RREB1: variants seen among roughly 807,000 people sequenced by gnomAD.
The protein encoded by RREB1 is ras-responsive element-binding protein 1.
A neutral mutation model predicts 117.8 loss-of-function variants in RREB1; 27 were observed. That is an observed-to-expected ratio of 0.23 (90% CI 0.17 to 0.32). The LOEUF is 0.32. RREB1 is among the 10% of genes least tolerant of loss of function. The pLI is 1.00. For missense variants in RREB1, 2,577 were observed against 2,378.2 expected, an observed-to-expected ratio of 1.08 and a Z score of -1.74; for synonymous variants, 1,298 against 1,026.7, an observed-to-expected ratio of 1.26 and a Z score of -5.05.
intron 1 of RREB1, among the ~76,000 whole-genome samples, chr6:7,158,253 C>T (rs1763477706): frequency 6.6e-6 from 1 of 152,154 alleles, no homozygotes; most frequent in South Asian, 2.1e-4. Context: ...CATTGTCTAC[C>T]CCACCTGCCT....
rs1581510086 is a variant in RREB1, at chr6:7,187,659, G to A, written c.261+136G>A. 1.4e-5 allele frequency: 5 copies of A among 370,164 alleles called. No individual in the cohort carries two copies. The South Asian group carries it at 5.2e-4, about 38-fold the overall frequency. 22.9% of individuals were successfully genotyped at this position (370,164 alleles called of 1,614,324 possible). ...GTTAAACACTCACTGTGAGCAATCA[G>A]TTGAGATAACTCAGTACCTTCGGAC... On this transcript the variant is annotated intron_variant, in intron 5 of 12. Transcript: ENST00000379938.
intron 1 of RREB1, among the ~76,000 whole-genome samples, chr6:7,151,925 G>T (rs995026284): frequency 6.6e-6 from 1 of 152,218 alleles, no homozygotes; most frequent in South Asian, 2.1e-4. Flanking sequence ...CTATGGGGGA[G>T]AAATAAACCA....
Position 7,231,155 on chromosome 6 carries a change from A to G in RREB1, c.3056A>G (p.Tyr1019Cys). ...QGPVQLAVPI[Y>C]SSALVSSPPL... ...CCTGTTCAGCTGGCGGTCCCAATCT[A>G]CTCCTCAGCCCTGGTCAGCAGCCCT... Residue 1019 changes from tyrosine to cysteine, a missense_variant, in exon 10 of 13, where the codon TAC becomes TGC. Coordinates refer to ENST00000379938, the MANE Select transcript of RREB1 (RefSeq NM_001003699.4). 2.5e-6 allele frequency: 4 copies of G among 1,610,476 alleles called. No homozygotes were observed. The highest frequency in any genetic ancestry group is 1.7e-6 in the Non-Finnish European group (2 of 1,179,232).
intron 1 of RREB1, among the ~76,000 whole-genome samples, chr6:7,109,227 G>A (rs1356137554): frequency 2.6e-5 from 4 of 151,884 alleles, no homozygotes; most frequent in Non-Finnish European, 5.9e-5. Context: ...CGTCTAGCTG[G>A]GTGGGGGGAG....
intron 6 of RREB1, among the ~76,000 whole-genome samples, chr6:7,197,790 C>T (rs1170529350): frequency 6.6e-6 from 1 of 152,150 alleles, no homozygotes; most frequent in Non-Finnish European, 1.5e-5. Flanking sequence ...GACATAGGCC[C>T]TGAGGATGCC....
intron 1 of RREB1, among the ~76,000 whole-genome samples, chr6:7,151,891 G>A (rs1015030542): frequency 1.4e-4 from 22 of 152,232 alleles, no homozygotes; most frequent in African/African-American, 5.3e-4. Context: ...CTTATAGTTT[G>A]AGTGTCTCTT....
At chr6:7,154,444 G>A (rs76907970) in intron 1 of RREB1, among the ~76,000 whole-genome samples, 1,643 of 152,310 alleles carry the variant, frequency 0.011, 30 homozygotes, top group African/African-American at 0.038. Context: ...GGACGTGAAG[G>A]ACTAATAGAC....
At chr6:7,156,106 G>A (rs1444155869) in intron 1 of RREB1, among the ~76,000 whole-genome samples, 3 of 152,156 alleles carry the variant, frequency 2.0e-5, no homozygotes, top group Non-Finnish European at 2.9e-5. Flanking sequence ...GCTTAACCAC[G>A]GGGTTTTTTC....
intron 1 of RREB1, among the ~76,000 whole-genome samples, chr6:7,143,228 C>G (rs1386955827): frequency 3.3e-5 from 5 of 152,188 alleles, no homozygotes; most frequent in Non-Finnish European, 1.5e-5. Flanking sequence ...CCTGATGGGC[C>G]TTCAGCACTG....
intron 9 of RREB1, 96 bp downstream of exon 9, chr6:7,226,752 T>A: frequency 1.0e-6 from 1 of 968,762 alleles, no homozygotes; most frequent in Non-Finnish European, 1.6e-6. Context: ...TTTCTTTCCT[T>A]AAAATGTCGG....
chr6:7,146,898 G>A (rs957207920), intron 1 of RREB1, among the ~76,000 whole-genome samples: 1 of 152,094 alleles, frequency 6.6e-6, no homozygotes, highest in East Asian at 1.9e-4. Context: ...CTAAGGAACT[G>A]TATTGTCATG....
intron 1 of RREB1, among the ~76,000 whole-genome samples, chr6:7,152,737 G>C (rs538100549): frequency 3.9e-5 from 6 of 152,294 alleles, no homozygotes; most frequent in South Asian, 4.2e-4. Flanking sequence ...TGCTAAGTGG[G>C]AAGCAGAAGT....
At chr6:7,117,398 T>TG (rs1761455516) in intron 1 of RREB1, among the ~76,000 whole-genome samples, 7 of 29,438 alleles carry the variant, frequency 2.4e-4, no homozygotes, top group Admixed American at 7.7e-4. Context: ...GTTTTTTTTT[T>TG]TTTTTTTTTT....
In RREB1 at chr6:7,229,499, T is replaced by C; in HGVS notation, c.1400T>C (p.Leu467Pro). 6.2e-7 allele frequency: 1 copy of C among 1,614,170 alleles called. No individual in the cohort carries two copies. The highest frequency in any genetic ancestry group is 8.5e-7 in the Non-Finnish European group (1 of 1,180,032). Residue 467 changes from leucine to proline, a missense_variant, in exon 10 of 13, where the codon CTG becomes CCG. Transcript: ENST00000379938. This position sits in a 1 kb window ranked among gnomAD's most constrained non-coding sequence, Gnocchi z 4.5. ...KPISGESAIELADIQQILKMA... is the reference protein window; with the variant it reads ...KPISGESAIEPADIQQILKMA... ...ATCTCTGGCGAGTCGGCCATCGAGCTGGCAGACATCCAGCAAATTCTGAAG... is the reference window on the plus strand; with the variant it reads ...ATCTCTGGCGAGTCGGCCATCGAGCCGGCAGACATCCAGCAAATTCTGAAG...
At chr6:7,145,440 C>G (rs928599142) in intron 1 of RREB1, among the ~76,000 whole-genome samples, 1 of 152,192 alleles carries the variant, frequency 6.6e-6, no homozygotes, top group Non-Finnish European at 1.5e-5. Context: ...ACAACCAGTA[C>G]AGCTTAGCTG....
At position 7,227,733 on chromosome 6, in the gene RREB1, G is replaced by A. The variant is rs142664178; in HGVS notation, c.897+1077G>A. ...CATTATTGACCTGAATAAGAAAAGA[G>A]CCATATATATTCACTGCTAATAAAG... On this transcript the variant is annotated intron_variant, in intron 9 of 12. Coordinates refer to ENST00000379938, the MANE Select transcript of RREB1 (RefSeq NM_001003699.4). Among the ~76,000 whole-genome samples, 302 of 152,192 alleles carry A rather than the reference G, an allele frequency of 2.0e-3. 1 individual carries two copies. The highest frequency in any genetic ancestry group is 3.4e-3 in the Non-Finnish European group (230 of 68,020).
chr6:7,213,485 C>T (rs1420083988), intron 8 of RREB1: 1 of 152,224 alleles, frequency 6.6e-6, no homozygotes. Flanking sequence ...TGCCTCTTAA[C>T]AGTTGTTTTA....
intron 6 of RREB1, among the ~76,000 whole-genome samples, chr6:7,198,295 C>T (rs925318071): frequency 2.0e-5 from 3 of 152,126 alleles, no homozygotes; most frequent in African/African-American, 7.2e-5. Context: ...CAGGACAGTT[C>T]ACATGGGAAT....
Position 7,249,101 on chromosome 6 carries a change from G to GAGAGAGAGAC in RREB1, c.*136_*137insGAGAGACAGA, listed in dbSNP as rs1561812153. The stretch of plus-strand genomic sequence containing the variant: ...AGAGAGAGAGAGAGAGAGAGAGAGA[G>GAGAGAGAGAC]AGACAAGCAGGAGCGTGGCTGCTCG... On this transcript the variant is annotated 3_prime_UTR_variant, in exon 13 of 13. Coordinates refer to ENST00000379938, the MANE Select transcript of RREB1 (RefSeq NM_001003699.4). 1 of 592,046 alleles carries GAGAGAGAGAC rather than the reference G, an allele frequency of 1.7e-6. No individual in the cohort carries two copies. 36.7% of individuals were successfully genotyped at this position (592,046 alleles called of 1,614,324 possible). A position where few individuals can be genotyped will look rare whatever the true frequency, so the allele number is the denominator to read the frequency against.
Sources: allele counts gnomAD v4.1 joint callset (sites outside exome capture counted in the v4.1 genomes callset), GRCh38; gene constraint gnomAD v4.1.1; non-coding constraint Gnocchi (gnomAD v3.1); transcripts MANE v1.5; gene names NCBI Gene and HGNC (gene_info 2026-07-23, HGNC 2026-07-21).